ABHD18: variants seen among roughly 807,000 people sequenced by gnomAD.
The protein encoded by ABHD18 is cardiolipin-specific deacylase, mitochondrial.
ABHD18 carries 55 observed loss-of-function variants against 65.9 expected under a neutral mutation model. The ratio of observed to expected loss-of-function variants is 0.84; its 90% CI spans 0.67 to 1.05. The LOEUF is 1.05. Ranked by LOEUF, ABHD18 falls within the 50% of genes least tolerant of loss-of-function variation. The probability of loss-of-function intolerance (pLI) is 0.00; values close to 1 mark genes in which losing one functional copy is unlikely to be tolerated. For synonymous variants in ABHD18, 181 were observed against 180.2 expected, an observed-to-expected ratio of 1.00 and a Z score of -0.04; for missense variants, 533 against 558.5, an observed-to-expected ratio of 0.95 and a Z score of 0.46.
intron 12 of ABHD18, among the ~76,000 whole-genome samples, chr4:128,033,563 T>G (rs1407792784): frequency 2.2e-5 from 3 of 137,886 alleles, no homozygotes; most frequent in Admixed American, 8.0e-5. Context: ...TGAGACAGAG[T>G]CTCCCTCTGT....
Position 128,039,144 on chromosome 4 carries a change from C to CATATATATATATATATATAT in ABHD18, c.*3353_*3372dup, listed in dbSNP as rs61578534. ...TATGTATTATATATACACACATATG[C>CATATATATATATATATATAT]ATATATATATATATATATATATATA... On this transcript the variant is annotated 3_prime_UTR_variant, in exon 13 of 13. Transcript: ENST00000645843. The CATATATATATATATATATAT allele has an allele frequency of 1.0e-5, 1 of 99,762 alleles. No individual in the cohort carries two copies. The highest frequency in any genetic ancestry group is 2.0e-5 in the Non-Finnish European group (1 of 49,864). 6.2% of individuals were successfully genotyped at this position (99,762 alleles called of 1,614,324 possible). A position where few individuals can be genotyped will look rare whatever the true frequency, so the allele number is the denominator to read the frequency against.
intron 12 of ABHD18, among the ~76,000 whole-genome samples, chr4:128,032,545 C>T (rs192678552): frequency 1.3e-5 from 2 of 152,140 alleles, no homozygotes; most frequent in East Asian, 1.9e-4. Context: ...ATTAGCTGGG[C>T]GTGGTGGGCA....
intron 12 of ABHD18, among the ~76,000 whole-genome samples, chr4:128,033,524 C>CTTTTTTTTTTTTTTTTT (rs869099600): frequency 1.4e-4 from 15 of 108,630 alleles, no homozygotes; most frequent in South Asian, 6.4e-4. Context: ...CAAAGATAGT[C>CTTTTTTTTTTTTTTTTT]TTTTTTTTTT....
At chr4:128,001,773 TTATTTCTCTC>T (rs1367576815) in intron 4 of ABHD18, 1 of 1,544,978 alleles carries the variant, frequency 6.5e-7, no homozygotes, top group East Asian at 2.5e-5. Flanking sequence ...AGGTAACCAG[TTATTTCTCTC>T]TAGAAACTTT....
At chr4:128,001,720 A>G (rs1249606174) in intron 4 of ABHD18, 2 of 1,546,220 alleles carry the variant, frequency 1.3e-6, no homozygotes, top group Non-Finnish European at 1.7e-6. Context: ...TTCCAGGATT[A>G]TTGATGAAAT....
At chr4:128,006,516 C>T (rs1481212039) in intron 4 of ABHD18, among the ~76,000 whole-genome samples, 1 of 152,150 alleles carries the variant, frequency 6.6e-6, no homozygotes, top group Admixed American at 6.6e-5. Flanking sequence ...AATTTATTGA[C>T]AGTGGATAAG....
In ABHD18 at chr4:128,035,819, T is replaced by G. The variant is rs1376973471; in HGVS notation, c.*6T>G. 3 of 1,524,242 alleles carry G rather than the reference T, an allele frequency of 2.0e-6. No individual in the cohort carries two copies. The South Asian group carries it at 3.6e-5, about 19-fold the overall frequency. 94.4% of individuals were successfully genotyped at this position (1,524,242 alleles called of 1,614,324 possible). On this transcript the variant is annotated 3_prime_UTR_variant, in exon 13 of 13. Transcript: ENST00000645843. Reference sequence around the variant, plus strand: ...TCCATAAATACGCTAACTAGTTGGATTATTATATGTAACCAGTGTGGCCAT... The same window carrying G: ...TCCATAAATACGCTAACTAGTTGGAGTATTATATGTAACCAGTGTGGCCAT...
At chr4:128,004,629 A>G (rs1379461488) in intron 4 of ABHD18, among the ~76,000 whole-genome samples, 6 of 152,004 alleles carry the variant, frequency 3.9e-5, no homozygotes, top group African/African-American at 1.4e-4. Flanking sequence ...TATACGTGAG[A>G]GCCGGGCGCA....
At chr4:128,009,309 C>A in intron 6 of ABHD18, 118 bp downstream of exon 6, 1 of 531,758 alleles carries the variant, frequency 1.9e-6, no homozygotes, top group Non-Finnish European at 3.0e-6. Flanking sequence ...GTCATCAGTT[C>A]AGAAAATACT....
intron 11 of ABHD18, 143 bp downstream of exon 11, chr4:128,028,996 T>C (rs1757794899): frequency 9.2e-6 from 6 of 650,144 alleles, no homozygotes; most frequent in Non-Finnish European, 1.5e-5. Context: ...CAAAGATAAG[T>C]TGGTTACTTA....
chr4:128,031,779 T>C (rs1758253551), intron 12 of ABHD18, among the ~76,000 whole-genome samples: 1 of 152,256 alleles, frequency 6.6e-6, no homozygotes, highest in African/African-American at 2.4e-5. Flanking sequence ...GTCTCTCATG[T>C]CTTGAAGGAT....
At chr4:127,987,678 A>C (rs1335071569) in intron 3 of ABHD18, among the ~76,000 whole-genome samples, 1 of 151,538 alleles carries the variant, frequency 6.6e-6, no homozygotes, top group Admixed American at 6.6e-5. Context: ...CACTCACTGC[A>C]CTCCAGCCTA....
chr4:127,998,505 C>T lies in ABHD18; in HGVS notation c.278+8684C>T, dbSNP rs572347744. ...CCGCCTGCCTCGGCCTCCCAAAGTGCTGGGATTACGGGCGTGAGCCACTGC... is the reference window on the plus strand; with the variant it reads ...CCGCCTGCCTCGGCCTCCCAAAGTGTTGGGATTACGGGCGTGAGCCACTGC... On this transcript the variant is annotated intron_variant, in intron 4 of 12. Coordinates refer to ENST00000645843, the MANE Select transcript of ABHD18 (RefSeq NM_001358451.3). Among the ~76,000 whole-genome samples, 151 of 151,220 alleles carry T rather than the reference C, an allele frequency of 1.0e-3. 1 individual carries two copies. Among genetic ancestry groups the T allele is most frequent in the Non-Finnish European group, 2.5e-4 (17 of 67,896 alleles).
chr4:128,015,014 T>C (rs1250578466), intron 7 of ABHD18, among the ~76,000 whole-genome samples: 1 of 151,200 alleles, frequency 6.6e-6, no homozygotes, highest in Non-Finnish European at 1.5e-5. Flanking sequence ...GAGGCAGAGG[T>C]TGCAGTGAGC....
chr4:127,998,286 T>C (rs1752081692), intron 4 of ABHD18, among the ~76,000 whole-genome samples: 1 of 148,378 alleles, frequency 6.7e-6, no homozygotes, highest in South Asian at 2.2e-4. Flanking sequence ...CGTTTCTTTT[T>C]TTTTTTTTTT....
intron 4 of ABHD18, among the ~76,000 whole-genome samples, chr4:128,005,479 A>G (rs1753444684): frequency 6.6e-6 from 1 of 152,058 alleles, no homozygotes; most frequent in Admixed American, 6.6e-5. Context: ...TTCTTTTTTT[A>G]AGAGACAGGG....
chr4:128,002,976 C>T (rs1204085095), intron 4 of ABHD18, among the ~76,000 whole-genome samples: 1 of 152,114 alleles, frequency 6.6e-6, no homozygotes, highest in Non-Finnish European at 1.5e-5. Context: ...TAACTCTTCT[C>T]TTATAATTTA....
At chr4:127,966,841 C>T (rs1745638924) in intron 1 of ABHD18, among the ~76,000 whole-genome samples, 1 of 147,510 alleles carries the variant, frequency 6.8e-6, no homozygotes, top group Admixed American at 6.8e-5. Flanking sequence ...GCCGAGATCA[C>T]GCCACTGCAC....
At chr4:128,031,019 G>GT (rs1372519370) in intron 12 of ABHD18, 9 of 1,020,458 alleles carry the variant, frequency 8.8e-6, no homozygotes, top group Middle Eastern at 4.7e-4. Context: ...CTATTCTGAT[G>GT]TTTTTTCAGA....
Sources: allele counts gnomAD v4.1 joint callset (sites outside exome capture counted in the v4.1 genomes callset), GRCh38; gene constraint gnomAD v4.1.1; transcripts MANE v1.5; gene names NCBI Gene and HGNC (gene_info 2026-07-23, HGNC 2026-07-21).